PIK3R6: variants seen among roughly 807,000 people sequenced by gnomAD.
The protein encoded by PIK3R6 is phosphoinositide 3-kinase regulatory subunit 6.
Under a neutral mutation model 84.9 loss-of-function variants are expected in PIK3R6, and 91 were observed. That is an observed-to-expected ratio of 1.07 (90% CI 0.90 to 1.28). The LOEUF is 1.28. Among genes scored for constraint, PIK3R6 ranks in the 50% most tolerant of loss-of-function variants. PIK3R6 has a pLI of 0.00. For synonymous variants in PIK3R6, 416 were observed against 411.4 expected (o/e 1.01, Z -0.13); for missense variants, 996 against 985.1 (o/e 1.01, Z -0.15).
At chr17:8,822,100 G>A (rs1384458812) in intron 16 of PIK3R6, among the ~76,000 whole-genome samples, 164 bp from the exon 17 acceptor site, 1 of 148,584 alleles carries the variant, frequency 6.7e-6, no homozygotes, top group African/African-American at 2.5e-5. Context: ...ATGTTGCCCA[G>A]GCTGGTCTTG....
chr17:8,808,935 G>A (rs1430791601), intron 18 of PIK3R6, among the ~76,000 whole-genome samples: 2 of 152,214 alleles, frequency 1.3e-5, no homozygotes, highest in African/African-American at 2.4e-5. Context: ...TTCAGCTCTA[G>A]TGATGGAATT....
chr17:8,860,407 G>A (rs1031989465), intron 1 of PIK3R6, among the ~76,000 whole-genome samples: 1 of 152,118 alleles, frequency 6.6e-6, no homozygotes, highest in Non-Finnish European at 1.5e-5. Context: ...GATCTGAGGT[G>A]GAGCAGTTTC....
intron 18 of PIK3R6, among the ~76,000 whole-genome samples, chr17:8,814,368 C>G (rs1026249293): frequency 4.6e-5 from 7 of 151,588 alleles, no homozygotes; most frequent in African/African-American, 1.5e-4. Context: ...TACAGGCATG[C>G]ACCACCATGC....
intron 5 of PIK3R6, among the ~76,000 whole-genome samples, chr17:8,837,535 A>G (rs2088520954): frequency 6.6e-6 from 1 of 152,180 alleles, no homozygotes; most frequent in Admixed American, 6.5e-5. Context: ...TTCTCTGTGT[A>G]GGGATCAGTG....
At chr17:8,833,478 G>T (rs1158864449) in intron 8 of PIK3R6, among the ~76,000 whole-genome samples, 1 of 151,872 alleles carries the variant, frequency 6.6e-6, no homozygotes, top group African/African-American at 2.4e-5. Flanking sequence ...TGTTCTAGGG[G>T]CTGGGATACA....
At chr17:8,833,252 C>T (rs893913946) in intron 8 of PIK3R6, among the ~76,000 whole-genome samples, 6 of 152,256 alleles carry the variant, frequency 3.9e-5, no homozygotes, top group Admixed American at 3.9e-4. Context: ...CTCTGCCCCT[C>T]ACACGCTATT....
rs561168125 is a variant in PIK3R6 at position 8,834,217 on chromosome 17, A to G, written c.645+1056T>C. Among the ~76,000 whole-genome samples, 41 of 151,160 alleles carry G rather than the reference A, an allele frequency of 2.7e-4. 1 individual carries two copies. The South Asian group carries it at 8.2e-3, about 30-fold the overall frequency. ...AGGTATCTAAGAGAACGTTCCAAGC[A>G]TAGGGAGTAGCCAGCGCAAAGGCCC... On this transcript the variant is annotated intron_variant, in intron 8 of 19. Coordinates refer to ENST00000619866, the MANE Select transcript of PIK3R6 (RefSeq NM_001010855.4).
In PIK3R6 at chr17:8,862,774, A is replaced by G. The variant is rs558294747; in HGVS notation, c.-92+4755T>C. Among the ~76,000 whole-genome samples the G allele has an allele frequency of 1.3e-5, 2 of 152,206 alleles. No individual in the cohort carries two copies. The highest frequency in any genetic ancestry group is 2.9e-5 in the Non-Finnish European group (2 of 68,006). On this transcript the variant is annotated intron_variant, in intron 1 of 19. Transcript: ENST00000619866. This position sits in a 1 kb window ranked among gnomAD's most constrained non-coding sequence, Gnocchi z 4.3. ...CGACATTACAGGACAGCAATACACC[A>G]TCCTCCGCCCACAGTCAGCAAGACT...
intron 2 of PIK3R6, among the ~76,000 whole-genome samples, chr17:8,846,729 G>T (rs1027372913): frequency 1.3e-5 from 2 of 152,066 alleles, no homozygotes; most frequent in African/African-American, 2.4e-5. Context: ...TACACACAGA[G>T]AATCTTCCAT....
At chr17:8,860,290 G>C (rs868504241) in intron 1 of PIK3R6, among the ~76,000 whole-genome samples, 3 of 130,730 alleles carry the variant, frequency 2.3e-5, no homozygotes, top group Non-Finnish European at 4.5e-5. Context: ...CTCCTGGGGC[G>C]GGGGGCGGTG....
rs1392703550 is a variant in PIK3R6 at position 8,842,975 on chromosome 17, T to C, written c.14-3278A>G. Among the ~76,000 whole-genome samples the C allele has an allele frequency of 6.6e-6, 1 of 152,198 alleles. No individual in the cohort carries two copies. The highest frequency in any genetic ancestry group is 2.4e-5 in the African/African-American group (1 of 41,460). ...CTAGTGCTCATGGTCTGGCCCCTCC[T>C]CAGACCCATGCAAAGCCTACGGGGT... On this transcript the variant is annotated intron_variant, in intron 2 of 19. Transcript: ENST00000619866. This position sits in a 1 kb window ranked among gnomAD's most constrained non-coding sequence, Gnocchi z 4.5.
intron 7 of PIK3R6, 66 bp from the exon 8 acceptor site, chr17:8,835,522 G>T: frequency 7.2e-7 from 1 of 1,381,748 alleles, no homozygotes; most frequent in Non-Finnish European, 9.8e-7. Flanking sequence ...GCCACCGGAT[G>T]GGCACCCTCA....
rs149696184 is a variant in PIK3R6 at position 8,831,964 on chromosome 17, G to A, written c.802+925C>T. On this transcript the variant is annotated intron_variant, in intron 9 of 19. Coordinates refer to ENST00000619866, the MANE Select transcript of PIK3R6 (RefSeq NM_001010855.4). ...CATTATGCCTTGCATAAGATAAGGC[G>A]TTATCTTATAAATATGCAAATAGGA... 2.7e-3 allele frequency among the ~76,000 whole-genome samples: 418 copies of A among 152,288 alleles called. 2 individuals carry two copies. The highest frequency in any genetic ancestry group is 9.5e-3 in the African/African-American group (394 of 41,550).
intron 18 of PIK3R6, among the ~76,000 whole-genome samples, chr17:8,815,614 T>C (rs1952020831): frequency 6.6e-6 from 1 of 152,152 alleles, no homozygotes; most frequent in Admixed American, 6.5e-5. Context: ...CCTAGGAGCA[T>C]TTGCTAATAA....
intron 18 of PIK3R6, among the ~76,000 whole-genome samples, chr17:8,808,173 A>G (rs573172408): frequency 1.3e-5 from 2 of 152,270 alleles, no homozygotes; most frequent in South Asian, 2.1e-4. Context: ...GAGACAGGAG[A>G]TATAAGAAGG....
At chr17:8,812,370 C>T (rs868055491) in intron 18 of PIK3R6, among the ~76,000 whole-genome samples, 1 of 152,170 alleles carries the variant, frequency 6.6e-6, no homozygotes. Context: ...AACAAAGAAA[C>T]TCTGGACTTA....
chr17:8,827,115 TG>T, intron 13 of PIK3R6, 56 bp downstream of exon 13: 1 of 1,582,054 alleles, frequency 6.3e-7, no homozygotes, highest in Non-Finnish European at 8.6e-7. Flanking sequence ...TTCTCCCCTC[TG>T]CCCAGACCCC....
chr17:8,821,993 G>T, intron 16 of PIK3R6, 57 bp from the exon 17 acceptor site: 2 of 1,351,850 alleles, frequency 1.5e-6, no homozygotes. Flanking sequence ...CTTTCCCCAT[G>T]CATCCCCACA....
At chr17:8,808,402 C>T (rs564178500) in intron 18 of PIK3R6, among the ~76,000 whole-genome samples, 4 of 151,944 alleles carry the variant, frequency 2.6e-5, no homozygotes, top group African/African-American at 4.8e-5. Context: ...TTGGGGGTCC[C>T]GGAAATAATC....
Sources: allele counts gnomAD v4.1 joint callset (sites outside exome capture counted in the v4.1 genomes callset), GRCh38; gene constraint gnomAD v4.1.1; non-coding constraint Gnocchi (gnomAD v3.1); transcripts MANE v1.5; gene names NCBI Gene and HGNC (gene_info 2026-07-23, HGNC 2026-07-21).